Variants in PIP4K2A observed in about 807,000 individuals in gnomAD.
PIP4K2A encodes the protein phosphatidylinositol-5-phosphate 4-kinase type 2 alpha.
A neutral mutation model predicts 42.9 loss-of-function variants in PIP4K2A; 14 were observed. That is an observed-to-expected ratio of 0.33 (90% CI 0.22 to 0.51). PIP4K2A has a LOEUF of 0.51. Among genes scored for constraint, PIP4K2A ranks in the 20% least tolerant of loss-of-function variants. The pLI is 0.97. For synonymous variants in PIP4K2A, 192 were observed against 192.2 expected (o/e 1.00, Z 0.01); for missense variants, 434 against 519.8 (o/e 0.83, Z 1.61).
At chr10:22,703,198 G>A (rs1411345030) in intron 1 of PIP4K2A, among the ~76,000 whole-genome samples, 1 of 152,104 alleles carries the variant, frequency 6.6e-6, no homozygotes, top group African/African-American at 2.4e-5. Context: ...TTGAGGCCAA[G>A]AGTTGAAGAC....
intron 3 of PIP4K2A, among the ~76,000 whole-genome samples, chr10:22,604,890 T>G (rs1414917295): frequency 6.6e-6 from 1 of 152,224 alleles, no homozygotes; most frequent in Non-Finnish European, 1.5e-5. Context: ...GCCAGGCAGC[T>G]GAAGCCCCAG....
chr10:22,583,457 C>A lies in PIP4K2A; in HGVS notation c.492+8172G>T, dbSNP rs563812642. ...CCGGAGAGCAGGTGTGCCCAGGGAG[C>A]ATGTGAGGAGCTGGGATCCAAGCCA... On this transcript the variant is annotated intron_variant, in intron 4 of 9. Coordinates refer to ENST00000376573, the MANE Select transcript of PIP4K2A (RefSeq NM_005028.5). 7.2e-5 allele frequency among the ~76,000 whole-genome samples: 11 copies of A among 152,224 alleles called. No homozygotes were observed. The South Asian group carries it at 2.3e-3, about 32-fold the overall frequency.
At chr10:22,559,637 T>C (rs540014209) in intron 6 of PIP4K2A, among the ~76,000 whole-genome samples, 204 of 152,326 alleles carry the variant, frequency 1.3e-3, no homozygotes, top group African/African-American at 4.7e-3. Context: ...TATCTATATT[T>C]GCTGAACAGA....
intron 1 of PIP4K2A, among the ~76,000 whole-genome samples, chr10:22,618,101 T>C (rs1838219183): frequency 6.6e-6 from 1 of 152,158 alleles, no homozygotes; most frequent in South Asian, 2.1e-4. Flanking sequence ...CTCTGCAAGT[T>C]TTGCAATTGC....
At chr10:22,640,533 C>T (rs569675679) in intron 1 of PIP4K2A, among the ~76,000 whole-genome samples, 10 of 152,218 alleles carry the variant, frequency 6.6e-5, no homozygotes, top group African/African-American at 2.2e-4. Flanking sequence ...CAAAGGGCTC[C>T]GGGAGTGGAT....
At chr10:22,688,069 T>C (rs1030475608) in intron 1 of PIP4K2A, among the ~76,000 whole-genome samples, 3 of 152,154 alleles carry the variant, frequency 2.0e-5, no homozygotes, top group Admixed American at 2.0e-4. Context: ...AGGTCAAATC[T>C]TCACACAGAC....
At chr10:22,631,237 C>G (rs1356351285) in intron 1 of PIP4K2A, among the ~76,000 whole-genome samples, 1 of 152,128 alleles carries the variant, frequency 6.6e-6, no homozygotes, top group Non-Finnish European at 1.5e-5. Flanking sequence ...ATGTTTTTGT[C>G]TCCCCCAAAT....
chr10:22,566,945 A>G (rs1482850601), intron 6 of PIP4K2A, among the ~76,000 whole-genome samples: 1 of 152,234 alleles, frequency 6.6e-6, no homozygotes, highest in Non-Finnish European at 1.5e-5. Context: ...AAGCTAGGAT[A>G]GTAGCCACAA....
At chr10:22,652,061 G>T (rs1384372901) in intron 1 of PIP4K2A, among the ~76,000 whole-genome samples, 1 of 152,076 alleles carries the variant, frequency 6.6e-6, no homozygotes, top group Non-Finnish European at 1.5e-5. Context: ...AACTGATACA[G>T]TGCTTAATTT....
chr10:22,616,192 A>G (rs368261068), intron 1 of PIP4K2A, among the ~76,000 whole-genome samples: 2 of 152,242 alleles, frequency 1.3e-5, no homozygotes, highest in Admixed American at 6.5e-5. Context: ...GGGGCAGGGG[A>G]GAGAGCAGAG....
At chr10:22,627,613 A>T (rs1310734083) in intron 1 of PIP4K2A, among the ~76,000 whole-genome samples, 2 of 143,070 alleles carry the variant, frequency 1.4e-5, no homozygotes, top group Non-Finnish European at 3.1e-5. Context: ...AAAAAAAAAA[A>T]AAAAAAAAAA....
chr10:22,632,875 T>C (rs148564661), intron 1 of PIP4K2A, among the ~76,000 whole-genome samples: 2 of 152,236 alleles, frequency 1.3e-5, no homozygotes, highest in African/African-American at 4.8e-5. Flanking sequence ...TAGGAAGCGG[T>C]TGAGTTTCAT....
chr10:22,640,014 CTTT>C (rs71395806), intron 1 of PIP4K2A, among the ~76,000 whole-genome samples: 1,665 of 92,140 alleles, frequency 0.018, 32 homozygotes, highest in African/African-American at 0.065. Flanking sequence ...GATGTGTTGT[CTTT>C]TTTTTTTTTT....
intron 1 of PIP4K2A, among the ~76,000 whole-genome samples, chr10:22,618,008 G>A (rs189803869): frequency 1.6e-4 from 24 of 152,300 alleles, no homozygotes; most frequent in Non-Finnish European, 3.2e-4. Context: ...CGCATAACTT[G>A]ATATGATGAC....
At chr10:22,686,067 C>G (rs914019420) in intron 1 of PIP4K2A, among the ~76,000 whole-genome samples, 9 of 152,152 alleles carry the variant, frequency 5.9e-5, no homozygotes, top group Non-Finnish European at 8.8e-5. Flanking sequence ...TGCAAACTTC[C>G]GACAGTGCCC....
chr10:22,570,416 G>A (rs1012360388), intron 5 of PIP4K2A, among the ~76,000 whole-genome samples: 1 of 152,202 alleles, frequency 6.6e-6, no homozygotes, highest in South Asian at 2.1e-4. Flanking sequence ...GAGCAGTACC[G>A]CCAAGGCTTC....
chr10:22,634,196 C>G (rs1838613526), intron 1 of PIP4K2A, among the ~76,000 whole-genome samples: 1 of 152,178 alleles, frequency 6.6e-6, no homozygotes, highest in Admixed American at 6.5e-5. Flanking sequence ...CAGAAGAGAC[C>G]AAAGAGCCCA....
intron 3 of PIP4K2A, among the ~76,000 whole-genome samples, chr10:22,604,843 G>A (rs920863252): frequency 3.3e-5 from 5 of 152,190 alleles, no homozygotes; most frequent in Admixed American, 3.3e-4. Context: ...TACTTGAACT[G>A]GGCATGAGGA....
intron 1 of PIP4K2A, among the ~76,000 whole-genome samples, chr10:22,664,635 A>C (rs1839314091): frequency 6.6e-6 from 1 of 152,034 alleles, no homozygotes. Context: ...CATGCTTTTA[A>C]ACAAAAATTC....
Sources: gnomAD v4.1 joint callset for allele counts (sites outside exome capture counted in the v4.1 genomes callset) on GRCh38, gnomAD v4.1.1 for gene constraint, MANE v1.5 for transcripts, NCBI Gene and HGNC (gene_info 2026-07-23, HGNC 2026-07-21) for gene names.